The following GPHN variants were observed in gnomAD, a reference collection of about 807,000 sequenced individuals.
The protein encoded by GPHN is gephyrin.
GPHN carries 17 observed loss-of-function variants against 95.5 expected under a neutral mutation model. The ratio of observed to expected loss-of-function variants is 0.18; its 90% CI spans 0.12 to 0.27. GPHN has a LOEUF of 0.27. Ranked by LOEUF, GPHN falls within the 10% of genes least tolerant of loss-of-function variation. The pLI is 1.00. For missense variants in GPHN, 660 were observed against 978.1 expected, an observed-to-expected ratio of 0.67 and a Z score of 4.34; for synonymous variants, 320 against 322.5, an observed-to-expected ratio of 0.99 and a Z score of 0.08.
At chr14:66,791,228 G>A (rs1369854592) in intron 3 of GPHN, among the ~76,000 whole-genome samples, 1 of 152,176 alleles carries the variant, frequency 6.6e-6, no homozygotes, top group African/African-American at 2.4e-5. Context: ...GCCAATCAGT[G>A]CTGCAGTCTA....
chr14:67,411,949 C>T, the GPHN span: 5 of 1,399,672 alleles, frequency 3.6e-6, no homozygotes, highest in Non-Finnish European at 4.8e-6. Context: ...GCGCGTCTGG[C>T]CCCGCTCTAG....
At chr14:66,669,129 C>A (rs1336014120) in intron 1 of GPHN, among the ~76,000 whole-genome samples, 1 of 152,038 alleles carries the variant, frequency 6.6e-6, no homozygotes, top group African/African-American at 2.4e-5. Context: ...TTTGCAAGGC[C>A]AAGACGGGTG....
chr14:67,720,293 G>A, the GPHN span, among the ~76,000 whole-genome samples: 2 of 125,298 alleles, frequency 1.6e-5, no homozygotes, highest in East Asian at 3.9e-4. Context: ...TTAGTCTCTT[G>A]TCTTCAAAGC....
At chr14:67,555,660 G>A in the GPHN span, among the ~76,000 whole-genome samples, 3 of 152,192 alleles carry the variant, frequency 2.0e-5, no homozygotes, top group Admixed American at 1.3e-4. Flanking sequence ...AGGGAGCTGA[G>A]AGTTGCCTTG....
At chr14:67,099,172 C>T (rs1215482477) in intron 12 of GPHN, among the ~76,000 whole-genome samples, 3 of 150,964 alleles carry the variant, frequency 2.0e-5, no homozygotes, top group Admixed American at 6.6e-5. Context: ...TGCAATGGCA[C>T]GATCTCAGCT....
At chr14:67,330,755 C>A in the GPHN span, among the ~76,000 whole-genome samples, 1 of 152,062 alleles carries the variant, frequency 6.6e-6, no homozygotes, top group Non-Finnish European at 1.5e-5. Flanking sequence ...CCCGGCACCC[C>A]GCTTCCTTGT....
intron 9 of GPHN, among the ~76,000 whole-genome samples, chr14:66,978,922 G>A (rs2070453310): frequency 6.6e-6 from 1 of 152,186 alleles, no homozygotes; most frequent in African/African-American, 2.4e-5. Context: ...GTATTAGCAG[G>A]CATGAAAACA....
At chr14:66,862,732 C>T (rs1198654743) in intron 4 of GPHN, among the ~76,000 whole-genome samples, 2 of 152,082 alleles carry the variant, frequency 1.3e-5, no homozygotes, top group Non-Finnish European at 2.9e-5. Flanking sequence ...ACTATATGAT[C>T]ATTTTACTTG....
chr14:67,408,659 AG>A, the GPHN span, among the ~76,000 whole-genome samples: 2 of 152,202 alleles, frequency 1.3e-5, no homozygotes, highest in East Asian at 1.9e-4. Flanking sequence ...GGGAATGCCA[AG>A]GGTTGCCTGC....
chr14:67,134,953 C>CTTCTTTTTTTTTTTTTTTT (rs573340363), intron 17 of GPHN, among the ~76,000 whole-genome samples: 6 of 45,252 alleles, frequency 1.3e-4, no homozygotes, highest in Non-Finnish European at 2.1e-4. Flanking sequence ...TTTCTTTCTT[C>CTTCTTTTTTTTTTTTTTTT]TTTTTTTTTT....
intron 1 of GPHN, among the ~76,000 whole-genome samples, chr14:66,570,489 A>G (rs565619965): frequency 3.9e-5 from 6 of 151,922 alleles, no homozygotes; most frequent in African/African-American, 1.4e-4. Context: ...TATTTTTGGG[A>G]GGGACAGGGT....
the GPHN span, among the ~76,000 whole-genome samples, chr14:67,257,418 A>C: frequency 1.1e-3 from 166 of 152,268 alleles, no homozygotes; most frequent in African/African-American, 3.8e-3. Flanking sequence ...GGTTTGTCTG[A>C]CATAGTTCCC....
chr14:67,441,536 G>T, the GPHN span, among the ~76,000 whole-genome samples: 7 of 152,278 alleles, frequency 4.6e-5, no homozygotes, highest in Admixed American at 4.6e-4. Flanking sequence ...TAGACACAGG[G>T]CCCTGTGGTG....
intron 1 of GPHN, among the ~76,000 whole-genome samples, chr14:66,640,951 A>C (rs1327759558): frequency 6.6e-6 from 1 of 152,176 alleles, no homozygotes; most frequent in Non-Finnish European, 1.5e-5. Context: ...AAATTGAATC[A>C]CTAAGCTTGT....
intron 11 of GPHN, among the ~76,000 whole-genome samples, chr14:67,070,715 A>AAAATATATATATAT: frequency 2.4e-4 from 19 of 80,666 alleles, no homozygotes; most frequent in Admixed American, 3.4e-4. Flanking sequence ...AAAAAAAAAA[A>AAAATATATATATAT]ATATATATAT....
At chr14:67,585,800 C>T in the GPHN span, 1 of 1,023,828 alleles carries the variant, frequency 9.8e-7, no homozygotes, top group Non-Finnish European at 1.5e-6. Flanking sequence ...CTAGTCTAGA[C>T]ACTGCTTGTA....
intron 11 of GPHN, among the ~76,000 whole-genome samples, chr14:67,069,532 A>C (rs547010139): frequency 6.6e-6 from 1 of 152,370 alleles, no homozygotes; most frequent in African/African-American, 2.4e-5. Flanking sequence ...TCACTGCTAC[A>C]AACTTAGTTC....
At chr14:67,423,655 C>T in the GPHN span, among the ~76,000 whole-genome samples, 3 of 152,124 alleles carry the variant, frequency 2.0e-5, no homozygotes, top group South Asian at 2.1e-4. Context: ...TGGAGAGAAC[C>T]GCAGAGAGGA....
At chr14:66,758,017 T>G (rs2058625568) in intron 2 of GPHN, among the ~76,000 whole-genome samples, 1 of 152,158 alleles carries the variant, frequency 6.6e-6, no homozygotes, top group African/African-American at 2.4e-5. Context: ...GTCCTGGGCC[T>G]TTTATGGACT....
Sources: allele counts gnomAD v4.1 joint callset (sites outside exome capture counted in the v4.1 genomes callset), GRCh38; gene constraint gnomAD v4.1.1; transcripts MANE v1.5; gene names NCBI Gene and HGNC (gene_info 2026-07-23, HGNC 2026-07-21).